The following ANKRD6 variants were observed in gnomAD, a reference collection of about 807,000 sequenced individuals.
The protein encoded by ANKRD6 is ankyrin repeat domain-containing protein 6.
In ANKRD6, 56 loss-of-function variants were observed where a neutral mutation model predicts 82.3. The observed-to-expected ratio is 0.68, with a 90% confidence interval of 0.55 to 0.85. ANKRD6 has a LOEUF of 0.85. Ranked by LOEUF, ANKRD6 falls within the 40% of genes least tolerant of loss-of-function variation. The pLI is 0.00. For missense variants in ANKRD6, 852 were observed against 907.6 expected, an observed-to-expected ratio of 0.94 and a Z score of 0.79; for synonymous variants, 347 against 352.1, an observed-to-expected ratio of 0.99 and a Z score of 0.16.
chr6:89,511,949 A>AT (rs200081437), intron 1 of ANKRD6, among the ~76,000 whole-genome samples: 1,588 of 150,544 alleles, frequency 0.011, 43 homozygotes, highest in African/African-American at 0.036. Flanking sequence ...CATTAAAAAA[A>AT]TTTTTTTTTT....
In ANKRD6 at chr6:89,433,668, C is replaced by T. The variant is rs1251847999; in HGVS notation, c.-144+293C>T. Among the ~76,000 whole-genome samples the T allele has an allele frequency of 3.9e-5, 6 of 152,122 alleles. No individual in the cohort carries two copies. The highest frequency in any genetic ancestry group is 1.4e-4 in the African/African-American group (6 of 41,426). ...AGGTGGAGAACTTTCTTCTGGGGCT[C>T]GTCCCTCGTTCTCCTGCTCGCTTGC... On this transcript the variant is annotated intron_variant, in intron 1 of 15. Coordinates refer to ENST00000339746, the MANE Select transcript of ANKRD6 (RefSeq NM_001242809.2). The surrounding 1 kb of genome is among the most constrained non-coding windows in gnomAD (Gnocchi z 4.3).
chr6:89,468,319 A>G (rs1264411283), intron 1 of ANKRD6, among the ~76,000 whole-genome samples: 1 of 152,218 alleles, frequency 6.6e-6, no homozygotes, highest in African/African-American at 2.4e-5. Flanking sequence ...AAAATAGACT[A>G]CAGAAGAATG....
chr6:89,526,118 G>A (rs796214710), intron 1 of ANKRD6, among the ~76,000 whole-genome samples: 32 of 152,290 alleles, frequency 2.1e-4, no homozygotes, highest in African/African-American at 4.3e-4. Flanking sequence ...CTTAGTGTTC[G>A]TCTTAGTCGA....
intron 1 of ANKRD6, among the ~76,000 whole-genome samples, chr6:89,443,346 C>T (rs1771661110): frequency 6.6e-6 from 1 of 152,112 alleles, no homozygotes; most frequent in South Asian, 2.1e-4. Context: ...TAAGAATAAT[C>T]TGGGGAATAT....
At chr6:89,515,163 G>C (rs2127952177) in intron 1 of ANKRD6, among the ~76,000 whole-genome samples, 1 of 152,232 alleles carries the variant, frequency 6.6e-6, no homozygotes, top group Middle Eastern at 3.4e-3. Context: ...TCTGAGCTGG[G>C]CATCAGTCTT....
chr6:89,540,268 C>T (rs117023569), intron 1 of ANKRD6, among the ~76,000 whole-genome samples: 1,891 of 152,310 alleles, frequency 0.012, 19 homozygotes, highest in Middle Eastern at 0.027. Flanking sequence ...CAAGGGTTCA[C>T]TTCTCTCCAC....
At chr6:89,504,467 G>A (rs1332850630) in intron 1 of ANKRD6, among the ~76,000 whole-genome samples, 1 of 152,064 alleles carries the variant, frequency 6.6e-6, no homozygotes, top group South Asian at 2.1e-4. Flanking sequence ...GCAGTGGCAC[G>A]ATCATAGCTT....
At chr6:89,610,362 G>C (rs1799910980) in intron 5 of ANKRD6, among the ~76,000 whole-genome samples, 1 of 152,158 alleles carries the variant, frequency 6.6e-6, no homozygotes, top group South Asian at 2.1e-4. Context: ...GCGGCCTTCT[G>C]TGTGTGGCTT....
chr6:89,466,582 C>T (rs2127780222), intron 1 of ANKRD6, among the ~76,000 whole-genome samples: 1 of 152,030 alleles, frequency 6.6e-6, no homozygotes, highest in East Asian at 1.9e-4. Flanking sequence ...CGTTTTTAGC[C>T]TTTGTATTTT....
At chr6:89,577,520 A>G (rs17505371) in intron 2 of ANKRD6, among the ~76,000 whole-genome samples, 78,630 of 151,622 alleles carry the variant, frequency 0.52, 20,750 homozygotes, top group South Asian at 0.72. Context: ...TAAATCCTCT[A>G]CATGCTCCTT....
At chr6:89,620,096 C>G (rs2128241506) in intron 9 of ANKRD6, 1 of 152,406 alleles carries the variant, frequency 6.6e-6, no homozygotes, top group Admixed American at 6.5e-5. Context: ...AGATGATCCA[C>G]CCACCTTGGC....
At chr6:89,492,467 G>T (rs911874729) in intron 1 of ANKRD6, among the ~76,000 whole-genome samples, 2 of 152,186 alleles carry the variant, frequency 1.3e-5, no homozygotes, top group African/African-American at 4.8e-5. Flanking sequence ...GTGTGTGTTT[G>T]CAGGGAGAGT....
At chr6:89,619,714 T>C (rs1802522436) in intron 9 of ANKRD6, 1 of 152,240 alleles carries the variant, frequency 6.6e-6, no homozygotes, top group South Asian at 2.1e-4. Flanking sequence ...GCATAAGATG[T>C]TACGCATACT....
Position 89,564,508 on chromosome 6 carries a change from C to T in ANKRD6, c.-143-2326C>T, listed in dbSNP as rs774197131. ...CTATGGCATAAGTGTACTTCAGTCT[C>T]AGTATCCAGGAGGCTGAATTCATTG... On this transcript the variant is annotated intron_variant, in intron 1 of 15. Coordinates refer to ENST00000339746, the MANE Select transcript of ANKRD6 (RefSeq NM_001242809.2). Among the ~76,000 whole-genome samples the T allele has an allele frequency of 3.4e-4, 51 of 152,138 alleles. 1 individual carries two copies. The highest frequency in any genetic ancestry group is 2.7e-3 in the Admixed American group (41 of 15,268).
At chr6:89,522,794 G>C (rs1261318468) in intron 1 of ANKRD6, among the ~76,000 whole-genome samples, 1 of 152,172 alleles carries the variant, frequency 6.6e-6, no homozygotes, top group Non-Finnish European at 1.5e-5. Context: ...TGAGGAGGAA[G>C]AGTCTCATAG....
chr6:89,573,272 A>G (rs1027821233), intron 2 of ANKRD6, among the ~76,000 whole-genome samples: 5 of 152,218 alleles, frequency 3.3e-5, no homozygotes, highest in African/African-American at 1.2e-4. Context: ...AAAAATATAT[A>G]TCTTATTATT....
chr6:89,471,300 G>C (rs909460431), intron 1 of ANKRD6, among the ~76,000 whole-genome samples: 1 of 147,126 alleles, frequency 6.8e-6, no homozygotes, highest in Non-Finnish European at 1.5e-5. Context: ...TGCCTGGATT[G>C]CACCACTGCA....
intron 4 of ANKRD6, 130 bp from the exon 5 acceptor site, chr6:89,605,877 G>C (rs138499643): frequency 9.6e-6 from 5 of 521,328 alleles, no homozygotes; most frequent in African/African-American, 9.4e-5. Context: ...GTAGTCTGTG[G>C]CTCAGATGAG....
Position 89,629,204 on chromosome 6 carries a change from T to C in ANKRD6, c.1578T>C (p.Ala526=). The change falls in exon 15 of 16, where the codon GCT becomes GCC. Residue 526 remains alanine, a synonymous_variant. Coordinates refer to ENST00000339746, the MANE Select transcript of ANKRD6 (RefSeq NM_001242809.2). ...KLSGDSRACR[A]KSTPSTCESS... is the part of the protein sequence containing the mutation. Reference sequence around the variant, plus strand: ...CTGGAGATTCTAGGGCCTGCAGAGCTAAATCCACACCATCTACTTGTGAGT... The same window carrying C: ...CTGGAGATTCTAGGGCCTGCAGAGCCAAATCCACACCATCTACTTGTGAGT... The C allele has an allele frequency of 6.2e-7, 1 of 1,613,870 alleles. No homozygotes were observed. The highest frequency in any genetic ancestry group is 8.5e-7 in the Non-Finnish European group (1 of 1,179,842).
Sources: gnomAD v4.1 joint callset for allele counts (sites outside exome capture counted in the v4.1 genomes callset) on GRCh38, gnomAD v4.1.1 for gene constraint, Gnocchi (gnomAD v3.1) non-coding constraint, MANE v1.5 for transcripts, NCBI Gene and HGNC (gene_info 2026-07-23, HGNC 2026-07-21) for gene names.